The following POU6F2 variants were observed in gnomAD, a reference collection of about 807,000 sequenced individuals.
The protein encoded by POU6F2 is POU domain, class 6, transcription factor 2.
In POU6F2, 31 loss-of-function variants were observed where a neutral mutation model predicts 71.3. The observed-to-expected ratio is 0.43, with a 90% confidence interval of 0.33 to 0.59. The LOEUF is 0.59. Among genes scored for constraint, POU6F2 ranks in the 20% least tolerant of loss-of-function variants. POU6F2 has a pLI of 0.04. For missense variants in POU6F2, 783 were observed against 856.8 expected, an observed-to-expected ratio of 0.91 and a Z score of 1.07; for synonymous variants, 347 against 355.7, an observed-to-expected ratio of 0.98 and a Z score of 0.27.
At chr7:39,184,451 C>T (rs1213963277) in intron 2 of POU6F2, among the ~76,000 whole-genome samples, 1 of 152,158 alleles carries the variant, frequency 6.6e-6, no homozygotes, top group Non-Finnish European at 1.5e-5. Flanking sequence ...TGGTATATGC[C>T]TAAATTTACG....
At chr7:39,378,293 C>T (rs1274442390) in intron 5 of POU6F2, among the ~76,000 whole-genome samples, 1 of 152,196 alleles carries the variant, frequency 6.6e-6, no homozygotes, top group Non-Finnish European at 1.5e-5. Flanking sequence ...TGCCACCATC[C>T]TGGGCTACCC....
intron 8 of POU6F2, among the ~76,000 whole-genome samples, chr7:39,453,732 T>G (rs1363619551): frequency 6.6e-6 from 1 of 152,182 alleles, no homozygotes; most frequent in Admixed American, 6.5e-5. Context: ...CATTGCACAG[T>G]AGCCAGTGGG....
intron 1 of POU6F2, chr7:38,984,465 A>T (rs568018371): frequency 1.3e-5 from 2 of 152,236 alleles, no homozygotes; most frequent in East Asian, 3.9e-4. Context: ...AAAACTCACC[A>T]ATATACTTGC....
At chr7:39,166,396 A>C (rs1259760415) in intron 2 of POU6F2, among the ~76,000 whole-genome samples, 2 of 152,332 alleles carry the variant, frequency 1.3e-5, no homozygotes, top group Non-Finnish European at 2.9e-5. Context: ...CTTGACCTCT[A>C]GTATCTCCCA....
chr7:39,277,305 G>A (rs566748400), intron 4 of POU6F2, among the ~76,000 whole-genome samples: 1 of 152,190 alleles, frequency 6.6e-6, no homozygotes, highest in South Asian at 2.1e-4. Context: ...TGCTACATGG[G>A]TATATTGCGT....
intron 1 of POU6F2, among the ~76,000 whole-genome samples, chr7:39,073,676 G>A (rs1790937114): frequency 1.3e-5 from 2 of 152,246 alleles, no homozygotes; most frequent in African/African-American, 2.4e-5. Context: ...CAGAGAACGA[G>A]AGGAAAACTC....
At chr7:39,025,327 C>A (rs1789775281) in intron 1 of POU6F2, among the ~76,000 whole-genome samples, 2 of 152,164 alleles carry the variant, frequency 1.3e-5, no homozygotes, top group African/African-American at 4.8e-5. Context: ...CTGGAGGCAT[C>A]ACGCTACCTG....
intron 1 of POU6F2, among the ~76,000 whole-genome samples, chr7:39,009,543 A>G (rs1447219570): frequency 7.2e-5 from 11 of 152,242 alleles, no homozygotes; most frequent in East Asian, 1.9e-4. Context: ...GCCCTGGCCA[A>G]AACTTCCAAC....
intron 1 of POU6F2, among the ~76,000 whole-genome samples, chr7:39,015,356 A>G (rs1789448949): frequency 7.6e-6 from 1 of 132,022 alleles, no homozygotes; most frequent in South Asian, 2.2e-4. Flanking sequence ...TAATAGATAT[A>G]TATTATATAA....
chr7:39,107,679 C>A (rs1439291913), intron 2 of POU6F2, among the ~76,000 whole-genome samples: 1 of 151,912 alleles, frequency 6.6e-6, no homozygotes, highest in East Asian at 1.9e-4. Context: ...TGGAACCACC[C>A]CCCGCCCCCT....
intron 5 of POU6F2, among the ~76,000 whole-genome samples, chr7:39,403,749 C>A (rs1787355115): frequency 1.3e-5 from 2 of 152,188 alleles, no homozygotes; most frequent in African/African-American, 4.8e-5. Flanking sequence ...CCCTTCACTT[C>A]CCTCCCACAT....
chr7:39,289,499 A>G (rs1784709689), intron 4 of POU6F2, among the ~76,000 whole-genome samples: 1 of 152,014 alleles, frequency 6.6e-6, no homozygotes, highest in Non-Finnish European at 1.5e-5. Flanking sequence ...TGATGCCCAC[A>G]TTAAAAATTG....
intron 7 of POU6F2, among the ~76,000 whole-genome samples, chr7:39,448,605 G>A (rs546534508): frequency 2.0e-5 from 3 of 152,032 alleles, no homozygotes; most frequent in Non-Finnish European, 4.4e-5. Context: ...TTCTTCTCTT[G>A]CCTAGAAGCC....
At chr7:39,443,332 T>A (rs372217761) in intron 7 of POU6F2, among the ~76,000 whole-genome samples, 1 of 152,168 alleles carries the variant, frequency 6.6e-6, no homozygotes, top group Non-Finnish European at 1.5e-5. Context: ...AGTACACATA[T>A]GTGCACCTCT....
intron 2 of POU6F2, among the ~76,000 whole-genome samples, chr7:39,190,833 T>C (rs1040325252): frequency 4.6e-5 from 7 of 151,874 alleles, no homozygotes; most frequent in South Asian, 2.1e-4. Flanking sequence ...AGACGAGGTT[T>C]CACCATGTTG....
chr7:39,014,837 T>C (rs1218924357), intron 1 of POU6F2, among the ~76,000 whole-genome samples: 1 of 152,090 alleles, frequency 6.6e-6, no homozygotes, highest in African/African-American at 2.4e-5. Flanking sequence ...AATACATCCT[T>C]GGTGTAATAA....
At chr7:39,195,590 C>A (rs987207180) in intron 2 of POU6F2, among the ~76,000 whole-genome samples, 7 of 151,790 alleles carry the variant, frequency 4.6e-5, no homozygotes, top group Non-Finnish European at 7.4e-5. Flanking sequence ...TCTGTTCAGT[C>A]CCCATCTCCT....
At chr7:39,311,730 G>C (rs1785169437) in intron 4 of POU6F2, among the ~76,000 whole-genome samples, 1 of 152,200 alleles carries the variant, frequency 6.6e-6, no homozygotes, top group Non-Finnish European at 1.5e-5. Context: ...GGCGAAGGCT[G>C]TGATAGATAG....
chr7:39,303,302 C>A lies in POU6F2; in HGVS notation c.599-36340C>A, dbSNP rs140555360. On this transcript the variant is annotated intron_variant, in intron 4 of 9. Coordinates refer to ENST00000518318, the MANE Select transcript of POU6F2 (RefSeq NM_001370959.1). ...AGCTGGGACTATAGGCACCCTCCGC[C>A]GCGCCTGGCTAATTTTTTGTATTTT... Among the ~76,000 whole-genome samples, 420 of 152,236 alleles carry A rather than the reference C, an allele frequency of 2.8e-3. 1 individual carries two copies. The highest frequency in any genetic ancestry group is 9.7e-3 in the African/African-American group (401 of 41,542).
Sources: allele counts gnomAD v4.1 joint callset (sites outside exome capture counted in the v4.1 genomes callset), GRCh38; gene constraint gnomAD v4.1.1; transcripts MANE v1.5; gene names NCBI Gene and HGNC (gene_info 2026-07-23, HGNC 2026-07-21).